Variants in AGXT2 observed in about 807,000 individuals in gnomAD.
AGXT2 encodes the protein alanine--glyoxylate aminotransferase 2, mitochondrial.
In AGXT2, 61 loss-of-function variants were observed where a neutral mutation model predicts 62.5. That is an observed-to-expected ratio of 0.98 (90% confidence interval 0.79 to 1.21). The LOEUF (loss-of-function observed/expected upper bound fraction) is 1.21. AGXT2 is among the 50% of genes most tolerant of loss of function. The pLI, the probability that AGXT2 is intolerant of heterozygous loss-of-function variation, is 0.00. For missense variants in AGXT2, 666 were observed against 641.5 expected (o/e 1.04, Z -0.41); for synonymous variants, 243 against 218.7 (o/e 1.11, Z -0.98).
At chr5:35,042,232 A>C (rs1235281171) in intron 1 of AGXT2, among the ~76,000 whole-genome samples, 1 of 152,332 alleles carries the variant, frequency 6.6e-6, no homozygotes, top group East Asian at 1.9e-4. Flanking sequence ...TTGAATTTTA[A>C]ACAGTCAAGG....
chr5:35,035,580 T>C (rs1217762273), intron 4 of AGXT2, among the ~76,000 whole-genome samples: 3 of 126,434 alleles, frequency 2.4e-5, no homozygotes, highest in Non-Finnish European at 3.3e-5. Context: ...ATGGCTTTAT[T>C]TGATGGTCTG....
chr5:35,008,890 C>T (rs1399981648), intron 12 of AGXT2, among the ~76,000 whole-genome samples: 1 of 152,174 alleles, frequency 6.6e-6, no homozygotes, highest in Non-Finnish European at 1.5e-5. Context: ...GATTCTCCTG[C>T]TCTTTTCAGG....
chr5:35,015,521 G>C (rs1484236863), intron 9 of AGXT2, among the ~76,000 whole-genome samples: 1 of 152,070 alleles, frequency 6.6e-6, no homozygotes. Context: ...TAGGGATGTG[G>C]GCACTAGAAG....
chr5:35,044,399 G>T (rs951874605), intron 1 of AGXT2, among the ~76,000 whole-genome samples: 3 of 152,212 alleles, frequency 2.0e-5, no homozygotes, highest in Non-Finnish European at 2.9e-5. Flanking sequence ...CACCATTGCT[G>T]TTCGGTATCA....
Position 35,047,938 on chromosome 5 carries a change from C to T in AGXT2, c.-46G>A, listed in dbSNP as rs201272408. 229 of 1,612,306 alleles carry T rather than the reference C, an allele frequency of 1.4e-4. No individual in the cohort carries two copies. The East Asian group carries it at 2.3e-3, about 17-fold the overall frequency. ...ACCCCCATGGAAGCAGATTGGAGGCCGGGCTCTAACTGCTCACTATCCTGC... is the reference window on the plus strand; with the variant it reads ...ACCCCCATGGAAGCAGATTGGAGGCTGGGCTCTAACTGCTCACTATCCTGC... On this transcript the variant is annotated 5_prime_UTR_variant, in exon 1 of 14. Coordinates refer to ENST00000231420, the MANE Select transcript of AGXT2 (RefSeq NM_031900.4).
chr5:35,032,887 G>A (rs1427458078), intron 6 of AGXT2, 62 bp from the exon 7 acceptor site: 64 of 1,325,796 alleles, frequency 4.8e-5, no homozygotes, highest in Middle Eastern at 1.8e-4. Context: ...AGTTAGGGTA[G>A]CATATGGCTG....
intron 10 of AGXT2, among the ~76,000 whole-genome samples, chr5:35,013,478 G>T (rs534946060): frequency 5.4e-4 from 82 of 152,272 alleles, no homozygotes; most frequent in Admixed American, 1.2e-3. Flanking sequence ...TTCCCTACAG[G>T]TAGATCAGAA....
At chr5:35,017,615 T>G (rs1766894174) in intron 9 of AGXT2, among the ~76,000 whole-genome samples, 1 of 152,208 alleles carries the variant, frequency 6.6e-6, no homozygotes, top group Admixed American at 6.5e-5. Context: ...CATGGAACTC[T>G]GTCCTTTAAA....
At chr5:35,027,060 T>G (rs1420311547) in intron 7 of AGXT2, 1 of 968,026 alleles carries the variant, frequency 1.0e-6, no homozygotes, top group Non-Finnish European at 1.2e-6. Flanking sequence ...ATCGCAGCCC[T>G]TGGCACTTGG....
intron 7 of AGXT2, among the ~76,000 whole-genome samples, chr5:35,031,883 C>A (rs1262491951): frequency 3.1e-5 from 2 of 63,536 alleles, no homozygotes; most frequent in African/African-American, 5.7e-5. Context: ...ATCTTGATTT[C>A]TTGTTTTTTT....
intron 7 of AGXT2, among the ~76,000 whole-genome samples, chr5:35,030,822 A>G (rs1767536098): frequency 6.6e-6 from 1 of 152,198 alleles, no homozygotes. Flanking sequence ...TGGGAGGTGC[A>G]TCAAACTGAT....
At chr5:35,032,014 G>T (rs966116846) in intron 7 of AGXT2, among the ~76,000 whole-genome samples, 2 of 142,490 alleles carry the variant, frequency 1.4e-5, no homozygotes, top group Non-Finnish European at 3.0e-5. Context: ...GTGCAGTGGC[G>T]TTATCTCAGT....
At chr5:35,011,274 A>G (rs879737922) in intron 11 of AGXT2, among the ~76,000 whole-genome samples, 2 of 152,122 alleles carry the variant, frequency 1.3e-5, no homozygotes, top group African/African-American at 2.4e-5. Context: ...AGCTTGGCCA[A>G]CATGGTGAAA....
chr5:35,018,716 C>T (rs1454510062), intron 9 of AGXT2, among the ~76,000 whole-genome samples: 1 of 146,824 alleles, frequency 6.8e-6, no homozygotes, highest in Admixed American at 6.8e-5. Context: ...CAAATTCACA[C>T]ATAACAATAT....
intron 9 of AGXT2, among the ~76,000 whole-genome samples, chr5:35,024,732 G>A (rs553980182): frequency 2.7e-4 from 41 of 152,280 alleles, no homozygotes; most frequent in African/African-American, 9.1e-4. Context: ...ACTTTGGGAC[G>A]CCAAGGTGGG....
chr5:35,004,756 C>A (rs1186562295), intron 12 of AGXT2, among the ~76,000 whole-genome samples: 1 of 152,140 alleles, frequency 6.6e-6, no homozygotes, highest in African/African-American at 2.4e-5. Flanking sequence ...GTAGACGGGG[C>A]CCCTCTAGTG....
chr5:35,039,360 G>A lies in AGXT2; in HGVS notation c.326C>T (p.Ser109Phe), dbSNP rs759851881. 3 of 1,614,050 alleles carry A rather than the reference G, an allele frequency of 1.9e-6. No homozygotes were observed. The South Asian group carries it at 3.3e-5, about 18-fold the overall frequency. Residue 109 changes from serine (S) to phenylalanine (F), a missense_variant, in exon 3 of 14, where the codon TCC (serine) becomes TTC (phenylalanine). By Grantham distance (155) the Ser-to-Phe change is radical. Transcript: ENST00000231420. The stretch of plus-strand genomic sequence containing the variant: ...GCCAACACTGACAGTAACAATCCCG[G>A]AAAAGAAATCCAGGTATCTGCTTCC... ...AEGSRYLDFFSGIVTVSVGHC... is the reference protein window; with the variant it reads ...AEGSRYLDFFFGIVTVSVGHC...
chr5:35,028,608 AGAGAGAGAGAG>A, intron 7 of AGXT2, among the ~76,000 whole-genome samples: 2 of 68,524 alleles, frequency 2.9e-5, no homozygotes, highest in South Asian at 9.0e-4. Context: ...AGAGAGAGAG[AGAGAGAGAGAG>A]AAATTCTTCT....
intron 4 of AGXT2, among the ~76,000 whole-genome samples, chr5:35,035,901 A>G (rs1181063816): frequency 1.3e-5 from 2 of 152,092 alleles, no homozygotes; most frequent in Admixed American, 6.5e-5. Context: ...TCATGGTGAA[A>G]CCCCATCTCT....
Sources: gnomAD v4.1 joint callset for allele counts (sites outside exome capture counted in the v4.1 genomes callset) on GRCh38, gnomAD v4.1.1 for gene constraint, MANE v1.5 for transcripts, NCBI Gene and HGNC (gene_info 2026-07-23, HGNC 2026-07-21) for gene names.